DNAJB4: variants seen among roughly 807,000 people sequenced by gnomAD.
DNAJB4 encodes dnaJ homolog subfamily B member 4.
In DNAJB4, 10 loss-of-function variants were observed where a neutral mutation model predicts 26.6. The ratio of observed to expected loss-of-function variants is 0.38; its 90% CI spans 0.23 to 0.64. DNAJB4 has a LOEUF of 0.64. DNAJB4 is among the 30% of genes least tolerant of loss of function. The probability of loss-of-function intolerance (pLI) is 0.58; values close to 1 mark genes in which losing one functional copy is unlikely to be tolerated. For synonymous variants in DNAJB4, 136 were observed against 134.8 expected, an observed-to-expected ratio of 1.01 and a Z score of -0.06; for missense variants, 328 against 408.2, an observed-to-expected ratio of 0.80 and a Z score of 1.69.
intron 1 of DNAJB4, among the ~76,000 whole-genome samples, chr1:77,992,459 A>G (rs890858495): frequency 6.6e-6 from 1 of 151,362 alleles, no homozygotes; most frequent in African/African-American, 2.4e-5. Flanking sequence ...ATGAGAATCA[A>G]CTACTTCAGG....
At chr1:77,987,317 G>T (rs1659815398) in intron 1 of DNAJB4, among the ~76,000 whole-genome samples, 1 of 152,170 alleles carries the variant, frequency 6.6e-6, no homozygotes, top group Admixed American at 6.5e-5. Context: ...AAACTGAAGT[G>T]CAGTGGTGCA....
chr1:77,983,292 A>G (rs1276859998), intron 1 of DNAJB4, among the ~76,000 whole-genome samples: 1 of 152,228 alleles, frequency 6.6e-6, no homozygotes, highest in Non-Finnish European at 1.5e-5. Context: ...GATGGAACAT[A>G]CAATCGGGTT....
rs1313468900 is a variant in DNAJB4, at chr1:78,013,111, A to G, written c.272A>G (p.His91Arg). Reference sequence around the variant, plus strand: ...GGAGGTACCTTCCGGTACACCTTTCATGGCGATCCTCATGCTACATTTGCT... The same window carrying G: ...GGAGGTACCTTCCGGTACACCTTTCGTGGCGATCCTCATGCTACATTTGCT... Reference protein sequence around the residue: ...GQGGTFRYTFHGDPHATFAAF... With the variant: ...GQGGTFRYTFRGDPHATFAAF... The change falls in exon 2 of 3, where the codon CAT (histidine) becomes CGT (arginine). Residue 91 changes from histidine to arginine, a missense_variant. His to Arg is a conservative substitution (Grantham distance 29, BLOSUM62 0). Transcript: ENST00000370763. The G allele has an allele frequency of 1.9e-6, 3 of 1,614,112 alleles. No individual in the cohort carries two copies. Among genetic ancestry groups the G allele is most frequent in the Admixed American group, 1.7e-5 (1 of 60,028 alleles).
At chr1:77,986,967 TGGAAGG>T (rs1659806152) in intron 1 of DNAJB4, among the ~76,000 whole-genome samples, 1 of 152,086 alleles carries the variant, frequency 6.6e-6, no homozygotes, top group Non-Finnish European at 1.5e-5. Context: ...GATTGTTAAA[TGGAAGG>T]GGAAAGTTTC....
intron 1 of DNAJB4, among the ~76,000 whole-genome samples, chr1:78,010,635 A>G (rs1660442978): frequency 6.6e-6 from 1 of 152,220 alleles, no homozygotes; most frequent in Middle Eastern, 3.2e-3. Flanking sequence ...AATTTTAGAT[A>G]TCACTTGAGA....
intron 1 of DNAJB4, among the ~76,000 whole-genome samples, chr1:77,982,783 G>A (rs1158264629): frequency 1.3e-5 from 2 of 152,254 alleles, no homozygotes; most frequent in South Asian, 2.1e-4. Context: ...GGGTGACACA[G>A]CGAGATTCTG....
At chr1:78,002,752 T>C (rs758468804), upstream of DNAJB4, among the ~76,000 whole-genome samples, 1 of 152,184 alleles carries the variant, frequency 6.6e-6, no homozygotes, top group Non-Finnish European at 1.5e-5. Context: ...TATATTTGCT[T>C]TCTTATTAAC....
chr1:78,007,699 C>T (rs1404284756), intron 1 of DNAJB4, among the ~76,000 whole-genome samples: 1 of 152,180 alleles, frequency 6.6e-6, no homozygotes, highest in Admixed American at 6.5e-5. Context: ...TTCAGAATAT[C>T]TCATTTATTC....
At chr1:77,988,767 T>C (rs1485882267) in intron 1 of DNAJB4, among the ~76,000 whole-genome samples, 1 of 152,214 alleles carries the variant, frequency 6.6e-6, no homozygotes, top group East Asian at 1.9e-4. Context: ...TATCACCGTC[T>C]AACACAACTT....
chr1:78,011,846 A>G (rs1389502631), intron 1 of DNAJB4, among the ~76,000 whole-genome samples: 1 of 151,356 alleles, frequency 6.6e-6, no homozygotes, highest in Non-Finnish European at 1.5e-5. Context: ...TGAATATGGT[A>G]TTTTTATTAC....
chr1:78,009,223 A>C (rs576918969), intron 1 of DNAJB4, among the ~76,000 whole-genome samples: 2 of 152,310 alleles, frequency 1.3e-5, no homozygotes, highest in African/African-American at 4.8e-5. Flanking sequence ...TCTTGCTGTA[A>C]ATCTGGATTT....
At chr1:77,994,852 TGTA>T (rs903865614) in intron 1 of DNAJB4, among the ~76,000 whole-genome samples, 19 of 152,172 alleles carry the variant, frequency 1.2e-4, no homozygotes, top group Non-Finnish European at 2.2e-4. Flanking sequence ...GGATGAACAA[TGTA>T]GTACTATTTT....
At chr1:77,981,085 T>C (rs1419872985) in intron 1 of DNAJB4, 1 of 152,132 alleles carries the variant, frequency 6.6e-6, no homozygotes, top group Non-Finnish European at 1.5e-5. Flanking sequence ...GTGCTATAAT[T>C]TACCCTCAAA....
chr1:78,009,552 A>G (rs1660414221), intron 1 of DNAJB4, among the ~76,000 whole-genome samples: 1 of 152,356 alleles, frequency 6.6e-6, no homozygotes, highest in East Asian at 1.9e-4. Flanking sequence ...AGGGAATCCA[A>G]TTGGATATTA....
At chr1:78,012,774 A>T (rs1164792026) in intron 1 of DNAJB4, among the ~76,000 whole-genome samples, 1 of 151,766 alleles carries the variant, frequency 6.6e-6, no homozygotes, top group African/African-American at 2.4e-5. Flanking sequence ...GCGCCATTGC[A>T]CTCCAGCCTG....
intron 1 of DNAJB4, among the ~76,000 whole-genome samples, chr1:77,997,441 A>G (rs999079454): frequency 6.6e-6 from 1 of 151,930 alleles, no homozygotes; most frequent in African/African-American, 2.4e-5. Context: ...AGGAGAGATC[A>G]TGGCTGCAGC....
At chr1:77,988,353 G>A (rs74092341) in intron 1 of DNAJB4, among the ~76,000 whole-genome samples, 7,376 of 152,096 alleles carry the variant, frequency 0.048, 402 homozygotes, top group African/African-American at 0.14. Context: ...CTTGCCCACC[G>A]TCTTTCCCAC....
At chr1:78,012,740 C>T (rs1056097627) in intron 1 of DNAJB4, among the ~76,000 whole-genome samples, 2 of 152,186 alleles carry the variant, frequency 1.3e-5, no homozygotes, top group African/African-American at 4.8e-5. Context: ...ACCTGGGAGG[C>T]GGAGGTTGCG....
At chr1:77,981,397 A>T (rs1285822573) in intron 1 of DNAJB4, 1 of 151,452 alleles carries the variant, frequency 6.6e-6, no homozygotes, top group Non-Finnish European at 1.5e-5. Flanking sequence ...GCTCACTGTA[A>T]CCTCTGCCTA....
Sources: gnomAD v4.1 joint callset for allele counts (sites outside exome capture counted in the v4.1 genomes callset) on GRCh38, gnomAD v4.1.1 for gene constraint, MANE v1.5 for transcripts, NCBI Gene and HGNC (gene_info 2026-07-23, HGNC 2026-07-21) for gene names.